The following ABCA1 variants were observed in gnomAD, a reference collection of about 807,000 sequenced individuals.
ABCA1 encodes ATP binding cassette subfamily A member 1.
A neutral mutation model predicts 262.5 loss-of-function variants in ABCA1; 133 were observed. The ratio of observed to expected loss-of-function variants is 0.51; its 90% CI spans 0.44 to 0.59. The LOEUF (loss-of-function observed/expected upper bound fraction) is 0.59, where lower values mean the gene tolerates loss of function less well. Among genes scored for constraint, ABCA1 ranks in the 20% least tolerant of loss-of-function variants. ABCA1 has a pLI of 0.00. For missense variants in ABCA1, 2,452 were observed against 2,777.5 expected, an observed-to-expected ratio of 0.88 and a Z score of 2.63; for synonymous variants, 1,022 against 1,043.5, an observed-to-expected ratio of 0.98 and a Z score of 0.40.
chr9:104,905,884 G>T (rs1485223415), intron 1 of ABCA1, among the ~76,000 whole-genome samples: 1 of 152,226 alleles, frequency 6.6e-6, no homozygotes, highest in South Asian at 2.1e-4. Flanking sequence ...GCCCAGGCAT[G>T]AATTAGCCCC....
intron 1 of ABCA1, among the ~76,000 whole-genome samples, chr9:104,910,522 TCTC>T (rs546110723): frequency 5.1e-4 from 78 of 152,294 alleles, no homozygotes; most frequent in African/African-American, 1.7e-3. Context: ...AGCAACTAAT[TCTC>T]CTCTTTCAAA....
chr9:104,901,935 CTAAG>C (rs1840699272), intron 2 of ABCA1, among the ~76,000 whole-genome samples: 1 of 152,142 alleles, frequency 6.6e-6, no homozygotes, highest in South Asian at 2.1e-4. Context: ...GAAGCTCATT[CTAAG>C]TGTTTGCTTT....
At chr9:104,884,303 T>A in intron 4 of ABCA1, 124 bp downstream of exon 4, 1 of 1,287,020 alleles carries the variant, frequency 7.8e-7, no homozygotes. Flanking sequence ...GCAGACTCTA[T>A]CACACAAGCA....
chr9:104,884,781 G>A (rs995594849), intron 3 of ABCA1, among the ~76,000 whole-genome samples: 1 of 152,222 alleles, frequency 6.6e-6, no homozygotes, highest in African/African-American at 2.4e-5. Flanking sequence ...GTAGAATGGG[G>A]TTCATGATAC....
At chr9:104,904,564 CAAAA>C (rs35949087) in intron 1 of ABCA1, among the ~76,000 whole-genome samples, 1 of 76,950 alleles carries the variant, frequency 1.3e-5, no homozygotes, top group Admixed American at 1.3e-4. Flanking sequence ...GACTCTGTCT[CAAAA>C]AAAAAAAAAA....
chr9:104,896,091 T>G (rs1392595049), intron 2 of ABCA1, among the ~76,000 whole-genome samples: 11 of 152,156 alleles, frequency 7.2e-5, no homozygotes, highest in Non-Finnish European at 1.5e-4. Context: ...TCCTTTCTGT[T>G]TCTGGCATGG....
Position 104,788,428 on chromosome 9 carries a change from T to C in ABCA1, c.6067A>G (p.Lys2023Glu), listed in dbSNP as rs1386746369. The part of the protein sequence containing the change: ...LRGVPEKEVG[K>E]VGEWAIRKLG... ...TGGCTTTCAGGTGCCCACAGTACCTTGCCAACTTCTTTCTCTGGGACTCCT... is the reference window on the plus strand; with the variant it reads ...TGGCTTTCAGGTGCCCACAGTACCTCGCCAACTTCTTTCTCTGGGACTCCT... Residue 2023 changes from lysine (K) to glutamate (E), a missense_variant and splice_region_variant, in exon 45 of 50, where the codon AAG becomes GAG. Transcript: ENST00000374736. The C allele has an allele frequency of 1.2e-6, 2 of 1,614,140 alleles. No homozygotes were observed. Among genetic ancestry groups the C allele is most frequent in the Non-Finnish European group, 8.5e-7 (1 of 1,179,982 alleles).
In ABCA1 at chr9:104,802,132, A is replaced by G. The variant is rs1830390786; in HGVS notation, c.4620T>C (p.Ser1540=). 2 of 1,614,170 alleles carry G rather than the reference A, an allele frequency of 1.2e-6. No individual in the cohort carries two copies. Among genetic ancestry groups the G allele is most frequent in the Non-Finnish European group, 1.7e-6 (2 of 1,180,022 alleles). ...FRYGGFSLGV[S]NTQALPPSQE... ...GACTCGGAGGAAGTGCTTGAGTATT[A>G]CTGACACCCAGGGAAAAGCCGCCAT... The change falls in exon 34 of 50, where the codon AGT becomes AGC. Residue 1540 remains serine, a synonymous_variant. Coordinates refer to ENST00000374736, the MANE Select transcript of ABCA1 (RefSeq NM_005502.4).
At chr9:104,898,611 C>G (rs1442201132) in intron 2 of ABCA1, among the ~76,000 whole-genome samples, 1 of 151,664 alleles carries the variant, frequency 6.6e-6, no homozygotes, top group South Asian at 2.1e-4. Flanking sequence ...AAATTAAATT[C>G]TCCTTCCCCA....
chr9:104,830,407 G>A (rs1364462120), intron 14 of ABCA1, among the ~76,000 whole-genome samples: 2 of 152,122 alleles, frequency 1.3e-5, no homozygotes, highest in African/African-American at 4.8e-5. Context: ...TTAAAGTGGT[G>A]GGCTGGGTGC....
At chr9:104,915,514 A>C (rs1841791152) in intron 1 of ABCA1, among the ~76,000 whole-genome samples, 1 of 152,184 alleles carries the variant, frequency 6.6e-6, no homozygotes, top group South Asian at 2.1e-4. Flanking sequence ...ACAAAAACTT[A>C]AGGGTGTTTT....
chr9:104,819,495 C>A, intron 22 of ABCA1, 91 bp downstream of exon 22: 1 of 1,571,232 alleles, frequency 6.4e-7, no homozygotes, highest in African/African-American at 1.3e-5. Context: ...CATGGCTTCA[C>A]AGAAGCCTAG....
At chr9:104,924,364 C>G (rs1283060303) in intron 1 of ABCA1, among the ~76,000 whole-genome samples, 2 of 152,174 alleles carry the variant, frequency 1.3e-5, no homozygotes, top group East Asian at 3.9e-4. Flanking sequence ...AATCCCAGCA[C>G]TTTGGGAGGC....
chr9:104,843,764 G>A lies in ABCA1; in HGVS notation c.813+1713C>T, dbSNP rs531175983. Among the ~76,000 whole-genome samples the A allele has an allele frequency of 3.3e-5, 5 of 152,114 alleles. No homozygotes were observed. In the East Asian group the frequency reaches 7.7e-4, roughly 24 times the overall value. On this transcript the variant is annotated intron_variant, in intron 8 of 49. Coordinates refer to ENST00000374736, the MANE Select transcript of ABCA1 (RefSeq NM_005502.4). Reference sequence around the variant, plus strand: ...GGTCAAAATTATCAACTTTCCACACGCTGACTGGACAAACAAGTGCATTTA... The same window carrying A: ...GGTCAAAATTATCAACTTTCCACACACTGACTGGACAAACAAGTGCATTTA...
rs146338523 is a variant in ABCA1, at chr9:104,918,627, T to C, written c.-93+9308A>G. ...AAATATAAATATGTATTGTTGTTGT[T>C]AATATCATATCTTCTTCTTCCTTCT... On this transcript the variant is annotated intron_variant, in intron 1 of 49. Coordinates refer to ENST00000374736, the MANE Select transcript of ABCA1 (RefSeq NM_005502.4). 2.9e-4 allele frequency among the ~76,000 whole-genome samples: 44 copies of C among 152,306 alleles called. 1 individual carries two copies. In the East Asian group the frequency reaches 5.0e-3, roughly 17 times the overall value.
intron 8 of ABCA1, among the ~76,000 whole-genome samples, chr9:104,841,318 T>C (rs1834348166): frequency 6.6e-6 from 1 of 151,884 alleles, no homozygotes. Context: ...CAGGTGCCTG[T>C]AATCCCAGCT....
chr9:104,862,067 C>CAT (rs1329132593), intron 5 of ABCA1, among the ~76,000 whole-genome samples: 1 of 149,568 alleles, frequency 6.7e-6, no homozygotes, highest in Non-Finnish European at 1.5e-5. Flanking sequence ...CACACACACA[C>CAT]ACACACACAT....
At chr9:104,852,277 G>C (rs1311696587) in intron 7 of ABCA1, among the ~76,000 whole-genome samples, 1 of 151,922 alleles carries the variant, frequency 6.6e-6, no homozygotes, top group East Asian at 1.9e-4. Context: ...ATCTCTTTCT[G>C]GTGATTTCTA....
intron 27 of ABCA1, among the ~76,000 whole-genome samples, chr9:104,813,098 C>T (rs1831424759): frequency 6.6e-6 from 1 of 152,196 alleles, no homozygotes. Flanking sequence ...TTTGAGAATA[C>T]ACAATGGCAA....
Sources: gnomAD v4.1 joint callset for allele counts (sites outside exome capture counted in the v4.1 genomes callset) on GRCh38, gnomAD v4.1.1 for gene constraint, MANE v1.5 for transcripts, NCBI Gene and HGNC (gene_info 2026-07-23, HGNC 2026-07-21) for gene names.